Variants in GRID2IP observed in about 807,000 individuals in gnomAD.
GRID2IP encodes Grid2 interacting protein.
Under a neutral mutation model 114.3 loss-of-function variants are expected in GRID2IP, and 78 were observed. The observed-to-expected ratio is 0.68, with a 90% CI of 0.57 to 0.82. GRID2IP has a LOEUF of 0.82. Ranked by LOEUF, GRID2IP falls within the 40% of genes least tolerant of loss-of-function variation. GRID2IP has a pLI of 0.00. For missense variants in GRID2IP, 1,727 were observed against 1,678.5 expected, an observed-to-expected ratio of 1.03 and a Z score of -0.51; for synonymous variants, 809 against 724.0, an observed-to-expected ratio of 1.12 and a Z score of -1.89.
At position 6,508,193 on chromosome 7, in the gene GRID2IP, C is replaced by T; in HGVS notation, c.2336G>A (p.Gly779Asp). 1.3e-6 allele frequency: 2 copies of T among 1,513,774 alleles called. No individual in the cohort carries two copies. The highest frequency in any genetic ancestry group is 1.8e-6 in the Non-Finnish European group (2 of 1,130,498). 93.8% of individuals were successfully genotyped at this position (1,513,774 alleles called of 1,614,324 possible). A position where few individuals can be genotyped will look rare whatever the true frequency, so the allele number is the denominator to read the frequency against. Reference sequence around the variant, plus strand: ...GGGCTTGGCCAGCGCCTGAGCAGGGCCCCGGGAACCATCAGAGCTGCGGGA... The same window carrying T: ...GGGCTTGGCCAGCGCCTGAGCAGGGTCCCGGGAACCATCAGAGCTGCGGGA... ...PSSRSSDGSR[G>D]PAQALAKPLT... Residue 779 changes from glycine to aspartate, a missense_variant, in exon 13 of 22, where the codon GGC (glycine) becomes GAC (aspartate). Physicochemically the swap from Gly to Asp is moderately conservative, Grantham distance 94. Transcript: ENST00000457091. The surrounding 1 kb of genome is among the most constrained non-coding windows in gnomAD (Gnocchi z 5.6).
intron 2 of GRID2IP, among the ~76,000 whole-genome samples, chr7:6,537,179 G>C (rs936849477): frequency 3.3e-5 from 5 of 152,066 alleles, no homozygotes; most frequent in Admixed American, 6.6e-5. Flanking sequence ...TCCAAGGATG[G>C]AAGTGGAGTC....
At chr7:6,511,415 C>T (rs1779155454) in intron 8 of GRID2IP, among the ~76,000 whole-genome samples, 1 of 152,108 alleles carries the variant, frequency 6.6e-6, no homozygotes, top group African/African-American at 2.4e-5. Flanking sequence ...TCTTGTTGCC[C>T]AGGTGGGAGT....
At chr7:6,498,946 T>A (rs903824214) in intron 20 of GRID2IP, among the ~76,000 whole-genome samples, 2 of 152,092 alleles carry the variant, frequency 1.3e-5, no homozygotes, top group Non-Finnish European at 2.9e-5. Flanking sequence ...TAAGTTCATT[T>A]CCTACTGCCT....
intron 1 of GRID2IP, among the ~76,000 whole-genome samples, chr7:6,542,282 GC>G (rs1779824317): frequency 8.6e-6 from 1 of 116,836 alleles, no homozygotes; most frequent in African/African-American, 3.2e-5. Flanking sequence ...TCCAGCCTAG[GC>G]AACAAGAGCA....
chr7:6,533,512 C>T (rs763308281), intron 2 of GRID2IP, among the ~76,000 whole-genome samples: 2 of 151,946 alleles, frequency 1.3e-5, no homozygotes, highest in Non-Finnish European at 2.9e-5. Flanking sequence ...GCATGTACCA[C>T]TATGCCTGGC....
At chr7:6,525,015 A>G (rs1779483409) in intron 4 of GRID2IP, among the ~76,000 whole-genome samples, 1 of 152,002 alleles carries the variant, frequency 6.6e-6, no homozygotes, top group South Asian at 2.1e-4. Flanking sequence ...CTTAAAATAA[A>G]ATAAAATAGG....
Position 6,521,318 on chromosome 7 carries a change from A to G in GRID2IP, c.1084+111T>C. On this transcript the variant is annotated intron_variant, in intron 6 of 21. Transcript: ENST00000457091. The surrounding 1 kb of genome is among the most constrained non-coding windows in gnomAD (Gnocchi z 4.1). ...CTTAGGAGGCAGCCCCGGGGAGGCA[A>G]GCTGCAGGTTTAGGGGAAGAGCTGA... The G allele has an allele frequency of 1.4e-6, 1 of 711,702 alleles. No homozygotes were observed. Among genetic ancestry groups the G allele is most frequent in the Non-Finnish European group, 2.3e-6 (1 of 438,724 alleles). The allele number at this position is 711,702 out of a possible 1,614,324, so 44.1% of individuals were successfully genotyped here. A position where few individuals can be genotyped will look rare whatever the true frequency, so the allele number is the denominator to read the frequency against.
chr7:6,539,694 T>C, intron 2 of GRID2IP, 24 bp downstream of exon 2: 4 of 1,527,640 alleles, frequency 2.6e-6, no homozygotes, highest in Non-Finnish European at 3.5e-6. Context: ...CCTGCCTGTC[T>C]ATCCTGCCCC....
chr7:6,503,452 G>A, intron 16 of GRID2IP, 39 bp downstream of exon 16: 2 of 1,475,514 alleles, frequency 1.4e-6, no homozygotes, highest in Non-Finnish European at 1.8e-6. Flanking sequence ...CCCCTGTGGA[G>A]CCGGCCGAGG....
chr7:6,543,410 C>G (rs1265343551), intron 1 of GRID2IP, among the ~76,000 whole-genome samples: 1 of 148,888 alleles, frequency 6.7e-6, no homozygotes, highest in Non-Finnish European at 1.5e-5. Flanking sequence ...AAAAAAAAAG[C>G]CCCCTTTGTA....
In GRID2IP at chr7:6,506,422, G is replaced by A. The variant is rs967256609; in HGVS notation, c.2545-515C>T. ...TGGGGCTGGGGCAGGGAGTGCGGACGGGGTGGCTGCCAAAGGGAGAGAACC... is the reference window on the plus strand; with the variant it reads ...TGGGGCTGGGGCAGGGAGTGCGGACAGGGTGGCTGCCAAAGGGAGAGAACC... On this transcript the variant is annotated intron_variant, in intron 13 of 21. Transcript: ENST00000457091. This position sits in a 1 kb window ranked among gnomAD's most constrained non-coding sequence, Gnocchi z 5.2. 9.9e-5 allele frequency among the ~76,000 whole-genome samples: 15 copies of A among 152,184 alleles called. No homozygotes were observed. Among genetic ancestry groups the A allele is most frequent in the African/African-American group, 2.7e-4 (11 of 41,446 alleles).
intron 7 of GRID2IP, among the ~76,000 whole-genome samples, chr7:6,515,912 C>T (rs1471530127): frequency 2.0e-5 from 3 of 151,810 alleles, no homozygotes; most frequent in African/African-American, 4.8e-5. Context: ...GTCTGGCCAA[C>T]GTGGTGAAAC....
At position 6,519,261 on chromosome 7, in the gene GRID2IP, T is replaced by C. The variant is rs1051275139; in HGVS notation, c.1268+1317A>G. Reference sequence around the variant, plus strand: ...AATGGACCGTGGTGATGTTTGCACGTATTTGTGAATATACTAAAAACCACT... The same window carrying C: ...AATGGACCGTGGTGATGTTTGCACGCATTTGTGAATATACTAAAAACCACT... On this transcript the variant is annotated intron_variant, in intron 7 of 21. Coordinates refer to ENST00000457091, the MANE Select transcript of GRID2IP (RefSeq NM_001145118.2). The surrounding 1 kb of genome is among the most constrained non-coding windows in gnomAD (Gnocchi z 4.1). 6.6e-6 allele frequency among the ~76,000 whole-genome samples: 1 copy of C among 152,156 alleles called. No individual in the cohort carries two copies. Among genetic ancestry groups the C allele is most frequent in the African/African-American group, 2.4e-5 (1 of 41,436 alleles).
rs1779683854 is a variant in GRID2IP at position 6,534,130 on chromosome 7, A to C, written c.584+5588T>G. 6.6e-6 allele frequency among the ~76,000 whole-genome samples: 1 copy of C among 152,112 alleles called. No homozygotes were observed. Among genetic ancestry groups the C allele is most frequent in the Admixed American group, 6.6e-5 (1 of 15,266 alleles). ...ACCCTGCTGAGAACACCCAGAAACT[A>C]CCAAGCCCGTTTTACAGACAAACTG... On this transcript the variant is annotated intron_variant, in intron 2 of 21. Coordinates refer to ENST00000457091, the MANE Select transcript of GRID2IP (RefSeq NM_001145118.2). This position sits in a 1 kb window ranked among gnomAD's most constrained non-coding sequence, Gnocchi z 4.5.
At position 6,509,154 on chromosome 7, in the gene GRID2IP, C is replaced by T. The variant is rs1418654942; in HGVS notation, c.1931G>A (p.Gly644Asp). 5.4e-6 allele frequency: 8 copies of T among 1,470,266 alleles called. No individual in the cohort carries two copies. The highest frequency in any genetic ancestry group is 7.2e-6 in the Non-Finnish European group (8 of 1,110,274). The allele number at this position is 1,470,266 out of a possible 1,614,324, so 91.1% of individuals were successfully genotyped here. Residue 644 changes from glycine to aspartate, a missense_variant, in exon 12 of 22, where the codon GGC becomes GAC. Gly to Asp is a moderately conservative substitution (Grantham distance 94). Transcript: ENST00000457091. This position sits in a 1 kb window ranked among gnomAD's most constrained non-coding sequence, Gnocchi z 4.9. ...DSSRAPSPQPGPGPICPDSPP... is the reference protein window; with the variant it reads ...DSSRAPSPQPDPGPICPDSPP... ...GCTGTCGGGGCAGATGGGCCCGGGG[C>T]CTGGCTGTGGGGAGGGTGCCCTGCT...
At chr7:6,498,572 CTTTTTTTTTT>C (rs34146767) in intron 20 of GRID2IP, among the ~76,000 whole-genome samples, 17 of 68,140 alleles carry the variant, frequency 2.5e-4, no homozygotes, top group Admixed American at 1.1e-3. Flanking sequence ...CTAGGCCTTA[CTTTTTTTTTT>C]TTTTTTTTTT....
chr7:6,515,146 T>C (rs1252627519), intron 7 of GRID2IP, among the ~76,000 whole-genome samples: 3 of 151,872 alleles, frequency 2.0e-5, no homozygotes, highest in East Asian at 1.9e-4. Context: ...ATCTACCTCA[T>C]AGAGCTGTTG....
rs551205731 is a variant in GRID2IP at position 6,539,686 on chromosome 7, T to G, written c.584+32A>C. On this transcript the variant is annotated intron_variant, in intron 2 of 21. Coordinates refer to ENST00000457091, the MANE Select transcript of GRID2IP (RefSeq NM_001145118.2). ...TGATGGCTCTAAGTGAGACCCACCC[T>G]GCCTGTCTATCCTGCCCCCTGCCCG... 6 of 1,520,028 alleles carry G rather than the reference T, an allele frequency of 3.9e-6. No individual in the cohort carries two copies. In the East Asian group the frequency reaches 1.5e-4, roughly 38 times the overall value. The allele number at this position is 1,520,028 out of a possible 1,614,324, so 94.2% of individuals were successfully genotyped here.
rs1459860229 is a variant in GRID2IP, at chr7:6,509,207, C to T, written c.1878G>A (p.Glu626=). Residue 626 remains glutamate, a synonymous_variant, in exon 12 of 22, where the codon GAG becomes GAA. Coordinates refer to ENST00000457091, the MANE Select transcript of GRID2IP (RefSeq NM_001145118.2). The surrounding 1 kb of genome is among the most constrained non-coding windows in gnomAD (Gnocchi z 4.9). The stretch of plus-strand genomic sequence containing the variant: ...TGTCCAGGCTGGCGTAGGGGTGGGA[C>T]TCAGAGCTGCTGGGGGAGGCCAGAC... The part of the protein sequence containing the change: ...SGGLASPSSS[E]SHPYASLDSS... 6.7e-7 allele frequency: 1 copy of T among 1,492,926 alleles called. No homozygotes were observed. Among genetic ancestry groups the T allele is most frequent in the African/African-American group, 1.4e-5 (1 of 71,340 alleles). The allele number at this position is 1,492,926 out of a possible 1,614,324, so 92.5% of individuals were successfully genotyped here. A position where few individuals can be genotyped will look rare whatever the true frequency, so the allele number is the denominator to read the frequency against.
Sources: gnomAD v4.1 joint callset for allele counts (sites outside exome capture counted in the v4.1 genomes callset) on GRCh38, gnomAD v4.1.1 for gene constraint, Gnocchi (gnomAD v3.1) non-coding constraint, MANE v1.5 for transcripts, NCBI Gene and HGNC (gene_info 2026-07-23, HGNC 2026-07-21) for gene names.